Variants in SMARCE1 observed in about 807,000 individuals in gnomAD.
The protein encoded by SMARCE1 is SWI/SNF-related matrix-associated actin-dependent regulator of chromatin subfamily E member 1.
In SMARCE1, 13 loss-of-function variants were observed where a neutral mutation model predicts 54.9. The observed-to-expected ratio is 0.24, with a 90% CI of 0.15 to 0.38. The LOEUF (loss-of-function observed/expected upper bound fraction) is 0.38. Among genes scored for constraint, SMARCE1 ranks in the 10% least tolerant of loss-of-function variants. The probability of loss-of-function intolerance (pLI) is 1.00; values close to 1 mark genes in which losing one functional copy is unlikely to be tolerated. For missense variants in SMARCE1, 295 were observed against 523.8 expected, an observed-to-expected ratio of 0.56 and a Z score of 4.26; for synonymous variants, 151 against 175.3, an observed-to-expected ratio of 0.86 and a Z score of 1.10.
intron 3 of SMARCE1, chr17:40,644,763 T>G (rs1287605594): frequency 2.0e-5 from 3 of 152,086 alleles, no homozygotes; most frequent in Non-Finnish European, 2.9e-5. Flanking sequence ...AGCCTGAAAT[T>G]TAGGTGGTGG....
Position 40,642,579 on chromosome 17 carries a change from C to A in SMARCE1, c.52-20G>T. On this transcript the variant is annotated intron_variant, in intron 3 of 10. Coordinates refer to ENST00000348513, the MANE Select transcript of SMARCE1 (RefSeq NM_003079.5). The surrounding 1 kb of genome is among the most constrained non-coding windows in gnomAD (Gnocchi z 4.6). ...CATTTGCTGATGGAAACAAATGAGA[C>A]AAAAACACGAATGAGAAATGAGCTC... is the stretch of plus-strand genomic sequence containing the variant. 1.4e-6 allele frequency: 2 copies of A among 1,396,894 alleles called. No homozygotes were observed. The highest frequency in any genetic ancestry group is 2.0e-6 in the Non-Finnish European group (2 of 989,206). 86.5% of individuals were successfully genotyped at this position (1,396,894 alleles called of 1,614,324 possible).
chr17:40,641,981 C>T (rs2037204197), intron 4 of SMARCE1: 1 of 174,074 alleles, frequency 5.7e-6, no homozygotes, highest in Admixed American at 6.3e-5. Context: ...AGGTCAACTA[C>T]TAAATCCAAA....
intron 6 of SMARCE1, 97 bp downstream of exon 6, chr17:40,636,298 A>C: frequency 7.5e-7 from 1 of 1,330,274 alleles, no homozygotes; most frequent in Non-Finnish European, 1.1e-6. Context: ...GTACTGCATC[A>C]GTGTTCTGAC....
Position 40,627,656 on chromosome 17 carries a change from A to C in SMARCE1, c.*1129T>G, listed in dbSNP as rs1392619696. ...ACACTGTCACTGCATTACAGAAAAA[A>C]ACTGGATGCTTGTCTTGCATACAAA... On this transcript the variant is annotated 3_prime_UTR_variant, in exon 11 of 11. Transcript: ENST00000348513. 1 of 152,666 alleles carries C rather than the reference A, an allele frequency of 6.6e-6. No homozygotes were observed. The highest frequency in any genetic ancestry group is 1.9e-4 in the East Asian group (1 of 5,200). 9.5% of individuals were successfully genotyped at this position (152,666 alleles called of 1,614,324 possible).
intron 5 of SMARCE1, chr17:40,637,029 CAAAA>C (rs398041688): frequency 3.6e-4 from 36 of 101,376 alleles, no homozygotes; most frequent in South Asian, 2.1e-3. Flanking sequence ...GGCTCATCAC[CAAAA>C]AAAAAAAAAA....
Position 40,628,493 on chromosome 17 carries a change from T to A in SMARCE1, c.*292A>T, listed in dbSNP as rs908416885. The A allele has an allele frequency of 1.8e-5, 6 of 326,418 alleles. No homozygotes were observed. The highest frequency in any genetic ancestry group is 1.0e-3 in the Middle Eastern group (1 of 962). The allele number at this position is 326,418 out of a possible 1,614,324, so 20.2% of individuals were successfully genotyped here. Reference sequence around the variant, plus strand: ...CATTGTAAGAGTAGATTCTGCAGCATCAAAGGATAATTCTCTAAAAGAGGT... The same window carrying A: ...CATTGTAAGAGTAGATTCTGCAGCAACAAAGGATAATTCTCTAAAAGAGGT... On this transcript the variant is annotated 3_prime_UTR_variant, in exon 11 of 11. Coordinates refer to ENST00000348513, the MANE Select transcript of SMARCE1 (RefSeq NM_003079.5).
rs556553904 is a variant in SMARCE1, at chr17:40,645,474, T to C, written c.51+102A>G. The C allele has an allele frequency of 6.4e-6, 4 of 621,736 alleles. No individual in the cohort carries two copies. The East Asian group carries it at 1.3e-4, about 20-fold the overall frequency. The allele number at this position is 621,736 out of a possible 1,614,324, so 38.5% of individuals were successfully genotyped here. A position where few individuals can be genotyped will look rare whatever the true frequency, so the allele number is the denominator to read the frequency against. On this transcript the variant is annotated intron_variant, in intron 3 of 10. Transcript: ENST00000348513. ...TTTTTTTCTTTTAAGCTGAATTTCATCCTGTTGCTGTGATGATTGAGTGAC... is the reference window on the plus strand; with the variant it reads ...TTTTTTTCTTTTAAGCTGAATTTCACCCTGTTGCTGTGATGATTGAGTGAC...
At chr17:40,632,563 T>A in intron 7 of SMARCE1, 196 bp from the exon 8 acceptor site, 1 of 534,210 alleles carries the variant, frequency 1.9e-6, no homozygotes, top group Non-Finnish European at 3.3e-6. Context: ...TTGGCCAAGG[T>A]AGTAATTTAT....
rs1047412443 is a variant in SMARCE1, at chr17:40,625,601, T to A, written c.*3184A>T. Reference sequence around the variant, plus strand: ...TTCACGAGAAACCAAAGCTTCAATTTAACTGCAGGCAATAGGAGTTTCACA... The same window carrying A: ...TTCACGAGAAACCAAAGCTTCAATTAAACTGCAGGCAATAGGAGTTTCACA... On this transcript the variant is annotated 3_prime_UTR_variant, in exon 11 of 11. Coordinates refer to ENST00000348513, the MANE Select transcript of SMARCE1 (RefSeq NM_003079.5). 1 of 152,300 alleles carries A rather than the reference T, an allele frequency of 6.6e-6. No homozygotes were observed. The highest frequency in any genetic ancestry group is 2.4e-5 in the African/African-American group (1 of 41,566). 9.4% of individuals were successfully genotyped at this position (152,300 alleles called of 1,614,324 possible).
At chr17:40,638,866 C>T (rs2037169740) in intron 4 of SMARCE1, among the ~76,000 whole-genome samples, 1 of 152,192 alleles carries the variant, frequency 6.6e-6, no homozygotes, top group African/African-American at 2.4e-5. Context: ...CTCCTCCACT[C>T]TGGGCTGGGA....
chr17:40,647,146 G>A (rs1004358270), intron 1 of SMARCE1: 1 of 152,174 alleles, frequency 6.6e-6, no homozygotes, highest in Admixed American at 6.5e-5. Context: ...ATCCATCTTT[G>A]GTGCCTGGCA....
chr17:40,642,349 A>G lies in SMARCE1; in HGVS notation c.156+106T>C, dbSNP rs530750132. ...AATACTCAAAAAGCTAGGTTAAAAA[A>G]TTTTTTTTAAATGGCTGTGCTTATG... On this transcript the variant is annotated intron_variant, in intron 4 of 10. Transcript: ENST00000348513. The surrounding 1 kb of genome is among the most constrained non-coding windows in gnomAD (Gnocchi z 4.6). 2.5e-6 allele frequency: 2 copies of G among 787,318 alleles called. No homozygotes were observed. Among genetic ancestry groups the G allele is most frequent in the Middle Eastern group, 2.3e-4 (1 of 4,386 alleles). 48.8% of individuals were successfully genotyped at this position (787,318 alleles called of 1,614,324 possible). A position where few individuals can be genotyped will look rare whatever the true frequency, so the allele number is the denominator to read the frequency against.
intron 7 of SMARCE1, chr17:40,633,323 T>G (rs1432015774): frequency 1.3e-5 from 2 of 152,166 alleles, no homozygotes; most frequent in Non-Finnish European, 2.9e-5. Flanking sequence ...AGGCTTATTT[T>G]TAATAGCTAT....
At position 40,628,114 on chromosome 17, in the gene SMARCE1, T is replaced by C. The variant is rs1597740880; in HGVS notation, c.*671A>G. The stretch of plus-strand genomic sequence containing the variant: ...CAATAAGGATGGATTTACCAGAACA[T>C]ACCCAGTATTAATCATAACAAAAAG... On this transcript the variant is annotated 3_prime_UTR_variant, in exon 11 of 11. Coordinates refer to ENST00000348513, the MANE Select transcript of SMARCE1 (RefSeq NM_003079.5). The C allele has an allele frequency of 6.6e-6, 1 of 152,636 alleles. No homozygotes were observed. Among genetic ancestry groups the C allele is most frequent in the African/African-American group, 2.4e-5 (1 of 41,456 alleles). The allele number at this position is 152,636 out of a possible 1,614,324, so 9.5% of individuals were successfully genotyped here. A position where few individuals can be genotyped will look rare whatever the true frequency, so the allele number is the denominator to read the frequency against.
In SMARCE1 at chr17:40,628,719, C is replaced by T. The variant is rs1291365950; in HGVS notation, c.*66G>A. The T allele has an allele frequency of 3.0e-6, 4 of 1,326,336 alleles. No homozygotes were observed. The highest frequency in any genetic ancestry group is 4.3e-6 in the Non-Finnish European group (4 of 929,400). The allele number at this position is 1,326,336 out of a possible 1,614,324, so 82.2% of individuals were successfully genotyped here. ...AAATTAATACACAAACCACGTAACA[C>T]CATTAAAACCAAAAAACATTTTTTC... On this transcript the variant is annotated 3_prime_UTR_variant, in exon 11 of 11. Coordinates refer to ENST00000348513, the MANE Select transcript of SMARCE1 (RefSeq NM_003079.5).
chr17:40,645,769 T>A (rs180819792), intron 2 of SMARCE1, 27 bp downstream of exon 2: 922 of 1,121,218 alleles, frequency 8.2e-4, no homozygotes, highest in Non-Finnish European at 1.0e-3. Context: ...TTAACATAGA[T>A]TGATAAATAT....
At chr17:40,632,131 A>G (rs1348797788) in intron 8 of SMARCE1, 64 bp downstream of exon 8, 2 of 1,271,854 alleles carry the variant, frequency 1.6e-6, no homozygotes, top group Admixed American at 1.9e-5. Flanking sequence ...TGGTGTAGGA[A>G]TCATATCACC....
Position 40,642,748 on chromosome 17 carries a change from T to C in SMARCE1, c.52-189A>G. 3.6e-6 allele frequency: 2 copies of C among 556,420 alleles called. No individual in the cohort carries two copies. The highest frequency in any genetic ancestry group is 6.3e-6 in the Non-Finnish European group (2 of 317,534). 34.5% of individuals were successfully genotyped at this position (556,420 alleles called of 1,614,324 possible). A position where few individuals can be genotyped will look rare whatever the true frequency, so the allele number is the denominator to read the frequency against. On this transcript the variant is annotated intron_variant, in intron 3 of 10. Transcript: ENST00000348513. The surrounding 1 kb of genome is among the most constrained non-coding windows in gnomAD (Gnocchi z 4.6). ...TTTTTCTTTCATTGAGAAACCTGTC[T>C]GCAGTGTCTTTTGGTTGTTTTTCTC...
chr17:40,628,593 G>C lies in SMARCE1; in HGVS notation c.*192C>G. On this transcript the variant is annotated 3_prime_UTR_variant, in exon 11 of 11. Coordinates refer to ENST00000348513, the MANE Select transcript of SMARCE1 (RefSeq NM_003079.5). ...CTAGAAACAAGATCCAAAGAAAAGA[G>C]CCATCTTCACAACACTTAAGAAAGG... 1 of 546,002 alleles carries C rather than the reference G, an allele frequency of 1.8e-6. No homozygotes were observed. Among genetic ancestry groups the C allele is most frequent in the Non-Finnish European group, 3.3e-6 (1 of 305,488 alleles). 33.8% of individuals were successfully genotyped at this position (546,002 alleles called of 1,614,324 possible).
Sources: allele counts gnomAD v4.1 joint callset (sites outside exome capture counted in the v4.1 genomes callset), GRCh38; gene constraint gnomAD v4.1.1; non-coding constraint Gnocchi (gnomAD v3.1); transcripts MANE v1.5; gene names NCBI Gene and HGNC (gene_info 2026-07-23, HGNC 2026-07-21).